The following OPCML variants were observed in gnomAD, a reference collection of about 807,000 sequenced individuals.
OPCML encodes opioid-binding protein/cell adhesion molecule.
OPCML carries 13 observed loss-of-function variants against 37.8 expected under a neutral mutation model. The ratio of observed to expected loss-of-function variants is 0.34; its 90% CI spans 0.22 to 0.55. The LOEUF (loss-of-function observed/expected upper bound fraction) is 0.55. Ranked by LOEUF, OPCML falls within the 20% of genes least tolerant of loss-of-function variation. The pLI, the probability that OPCML is intolerant of heterozygous loss-of-function variation, is 0.91. For synonymous variants in OPCML, 176 were observed against 168.8 expected (o/e 1.04, Z -0.33); for missense variants, 341 against 435.6 (o/e 0.78, Z 1.93).
chr11:133,280,239 C>T lies in OPCML; in HGVS notation c.61+252025G>A, dbSNP rs184209472. Among the ~76,000 whole-genome samples, 258 of 152,326 alleles carry T rather than the reference C, an allele frequency of 1.7e-3. 2 individuals are homozygous for T. Among genetic ancestry groups the T allele is most frequent in the African/African-American group, 5.0e-3 (209 of 41,562 alleles). On this transcript the variant is annotated intron_variant, in intron 1 of 7. Coordinates refer to ENST00000524381, the MANE Select transcript of OPCML (RefSeq NM_001012393.5). ...AAATAAATTCTGTCTCTTTACCAGC[C>T]TGTCCTTTTCTCTCCTTAGAAAGAG...
chr11:133,284,334 C>T (rs920917991), intron 1 of OPCML, among the ~76,000 whole-genome samples: 7 of 152,180 alleles, frequency 4.6e-5, no homozygotes, highest in African/African-American at 9.7e-5. Flanking sequence ...CTCTGTGTCA[C>T]GAGAATCACA....
intron 1 of OPCML, among the ~76,000 whole-genome samples, chr11:133,261,818 G>T (rs181113110): frequency 6.6e-6 from 1 of 152,210 alleles, no homozygotes; most frequent in Non-Finnish European, 1.5e-5. Context: ...CCCTCAGAGT[G>T]TGCTTCTGGC....
In OPCML at chr11:133,499,700, T is replaced by A. The variant is rs572899550; in HGVS notation, c.61+32564A>T. 2.7e-3 allele frequency among the ~76,000 whole-genome samples: 401 copies of A among 151,010 alleles called. 5 individuals carry two copies. The highest frequency in any genetic ancestry group is 0.014 in the South Asian group (67 of 4,752). ...AGAAGAGGTTTGTTGGGGTTTTTTT[T>A]AAAATAATAATAATTGGAAAACCTT... is the stretch of plus-strand genomic sequence containing the variant. On this transcript the variant is annotated intron_variant, in intron 1 of 7. Coordinates refer to ENST00000524381, the MANE Select transcript of OPCML (RefSeq NM_001012393.5).
At chr11:133,374,607 A>G (rs187610932) in intron 1 of OPCML, among the ~76,000 whole-genome samples, 4 of 152,204 alleles carry the variant, frequency 2.6e-5, no homozygotes, top group African/African-American at 9.7e-5. Context: ...TTCTCATATT[A>G]GGTTAGCCTT....
intron 4 of OPCML, among the ~76,000 whole-genome samples, chr11:132,510,082 G>T (rs2096265645): frequency 6.6e-6 from 1 of 152,200 alleles, no homozygotes; most frequent in African/African-American, 2.4e-5. Context: ...GCATGACCTG[G>T]AAATGAGACC....
chr11:133,443,899 A>G (rs180914635), intron 1 of OPCML, among the ~76,000 whole-genome samples: 34 of 152,286 alleles, frequency 2.2e-4, no homozygotes, highest in Admixed American at 6.5e-4. Flanking sequence ...ACTTGAGGCC[A>G]GGAGTTCAAG....
intron 3 of OPCML, among the ~76,000 whole-genome samples, chr11:132,566,349 G>A: frequency 6.6e-6 from 1 of 152,190 alleles, no homozygotes; most frequent in Non-Finnish European, 1.5e-5. Flanking sequence ...ACAACATAGA[G>A]AAGGAAGACA....
intron 2 of OPCML, among the ~76,000 whole-genome samples, chr11:132,845,717 T>C (rs1290520136): frequency 6.6e-6 from 1 of 152,240 alleles, no homozygotes; most frequent in East Asian, 1.9e-4. Context: ...TCCATAGAGA[T>C]TCCCGTCACT....
intron 1 of OPCML, among the ~76,000 whole-genome samples, chr11:133,042,940 A>C (rs1215165041): frequency 1.3e-5 from 2 of 152,126 alleles, no homozygotes; most frequent in Non-Finnish European, 2.9e-5. Flanking sequence ...CGAGATTAGC[A>C]GAGAAAAGGG....
In OPCML at chr11:132,419,871, C is replaced by T; in HGVS notation, c.*322G>A. ...GAAACTTACGTTTTGTTGTGTGTGG[C>T]AGAGGATGTTGTTGGGAATGATGAT... is the stretch of plus-strand genomic sequence containing the variant. On this transcript the variant is annotated 3_prime_UTR_variant, in exon 8 of 8. Coordinates refer to ENST00000524381, the MANE Select transcript of OPCML (RefSeq NM_001012393.5). 2 of 281,024 alleles carry T rather than the reference C, an allele frequency of 7.1e-6. No homozygotes were observed. The highest frequency in any genetic ancestry group is 1.3e-4 in the South Asian group (2 of 15,048). 17.4% of individuals were successfully genotyped at this position (281,024 alleles called of 1,614,324 possible). A position where few individuals can be genotyped will look rare whatever the true frequency, so the allele number is the denominator to read the frequency against.
At chr11:132,509,619 G>T (rs191548427) in intron 4 of OPCML, among the ~76,000 whole-genome samples, 5 of 152,226 alleles carry the variant, frequency 3.3e-5, no homozygotes, top group African/African-American at 9.6e-5. Flanking sequence ...CATGTACAGC[G>T]CAGGCTGTGG....
chr11:133,006,713 C>T (rs1325223500), intron 1 of OPCML: 1 of 985,350 alleles, frequency 1.0e-6, no homozygotes, highest in Non-Finnish European at 1.2e-6. Context: ...TAGAATTGTT[C>T]CAGCACCTTT....
chr11:132,422,143 T>C (rs1482561721), intron 7 of OPCML, among the ~76,000 whole-genome samples: 1 of 152,152 alleles, frequency 6.6e-6, no homozygotes, highest in Non-Finnish European at 1.5e-5. Flanking sequence ...ATATATGTCT[T>C]TGTCTAATTA....
intron 1 of OPCML, among the ~76,000 whole-genome samples, chr11:133,127,193 A>G (rs1018774816): frequency 3.2e-4 from 48 of 152,258 alleles, no homozygotes; most frequent in African/African-American, 1.2e-3. Flanking sequence ...ATATTCTTCT[A>G]GATCCCTGGT....
At chr11:133,059,802 T>G (rs1948306798) in intron 1 of OPCML, among the ~76,000 whole-genome samples, 1 of 152,214 alleles carries the variant, frequency 6.6e-6, no homozygotes, top group Non-Finnish European at 1.5e-5. Context: ...GTGTTATTAT[T>G]AGACTTGGGT....
chr11:133,147,092 G>A (rs1219378367), intron 1 of OPCML, among the ~76,000 whole-genome samples: 1 of 152,176 alleles, frequency 6.6e-6, no homozygotes, highest in Non-Finnish European at 1.5e-5. Flanking sequence ...ACAGGGCACG[G>A]CACCCAATCC....
intron 1 of OPCML, among the ~76,000 whole-genome samples, chr11:133,091,341 G>A (rs979686636): frequency 9.2e-5 from 14 of 152,318 alleles, no homozygotes; most frequent in Non-Finnish European, 1.6e-4. Flanking sequence ...ATCCTCACTA[G>A]AGCCACGTGT....
intron 7 of OPCML, among the ~76,000 whole-genome samples, chr11:132,421,504 A>G (rs1055930056): frequency 3.9e-5 from 6 of 152,176 alleles, no homozygotes; most frequent in African/African-American, 1.4e-4. Flanking sequence ...TGCCTTGCCC[A>G]GGAGGGACTG....
chr11:132,557,926 C>T (rs1388362394), intron 3 of OPCML, among the ~76,000 whole-genome samples: 1 of 152,126 alleles, frequency 6.6e-6, no homozygotes, highest in Non-Finnish European at 1.5e-5. Context: ...TCTTCTCTTA[C>T]TCATCTTTTG....
Sources: allele counts gnomAD v4.1 joint callset (sites outside exome capture counted in the v4.1 genomes callset), GRCh38; gene constraint gnomAD v4.1.1; transcripts MANE v1.5; gene names NCBI Gene and HGNC (gene_info 2026-07-23, HGNC 2026-07-21).